Variants in DACH1 observed in about 807,000 individuals in gnomAD.
The protein encoded by DACH1 is dachshund family transcription factor 1.
In DACH1, 12 loss-of-function variants were observed where a neutral mutation model predicts 54.2. The ratio of observed to expected loss-of-function variants is 0.22; its 90% CI spans 0.14 to 0.36. The LOEUF (loss-of-function observed/expected upper bound fraction) is 0.36. Among genes scored for constraint, DACH1 ranks in the 10% least tolerant of loss-of-function variants. The probability of loss-of-function intolerance (pLI) is 1.00; values close to 1 mark genes in which losing one functional copy is unlikely to be tolerated. For missense variants in DACH1, 805 were observed against 929.8 expected (o/e 0.87, Z 1.75); for synonymous variants, 386 against 366.2 (o/e 1.05, Z -0.62).
intron 6 of DACH1, among the ~76,000 whole-genome samples, chr13:71,511,451 A>G (rs896680826): frequency 2.6e-5 from 4 of 151,986 alleles, no homozygotes; most frequent in Admixed American, 2.6e-4. Context: ...GCCACAATAC[A>G]GAGTGGAGGA....
At chr13:71,501,450 G>A (rs998682915) in intron 6 of DACH1, among the ~76,000 whole-genome samples, 6 of 152,044 alleles carry the variant, frequency 3.9e-5, no homozygotes, top group East Asian at 3.9e-4. Context: ...TACACTGAAC[G>A]TAAAGTAGAA....
At chr13:71,691,929 A>G (rs967905367) in intron 1 of DACH1, among the ~76,000 whole-genome samples, 1 of 151,562 alleles carries the variant, frequency 6.6e-6, no homozygotes, top group African/African-American at 2.4e-5. Flanking sequence ...AAGATGAGGT[A>G]TGAGCAAGCA....
At chr13:71,702,012 T>TC (rs1056331610) in intron 1 of DACH1, among the ~76,000 whole-genome samples, 1 of 152,126 alleles carries the variant, frequency 6.6e-6, no homozygotes, top group Non-Finnish European at 1.5e-5. Context: ...CTTCTCTTTT[T>TC]CCTCTTCTTC....
chr13:71,522,508 G>C (rs1001902624), intron 6 of DACH1, among the ~76,000 whole-genome samples: 3 of 152,018 alleles, frequency 2.0e-5, no homozygotes, highest in Non-Finnish European at 2.9e-5. Flanking sequence ...ACCAAGCGCA[G>C]TGGTGAGCAC....
chr13:71,804,412 C>T (rs376650649), intron 1 of DACH1, among the ~76,000 whole-genome samples: 30 of 152,230 alleles, frequency 2.0e-4, no homozygotes, highest in Admixed American at 3.9e-4. Context: ...CTTACCACTG[C>T]GACCAGTGTG....
At position 71,681,921 on chromosome 13, in the gene DACH1, CA is replaced by C. The variant is rs1880925607; in HGVS notation, c.849-12del. On this transcript the variant is annotated splice_polypyrimidine_tract_variant and intron_variant, in intron 1 of 10. Transcript: ENST00000613252. ...CTTCCAGGTCTAGAACTGAAACAAA[CA>C]AACAAAAAATTTTTACAATTAAGCT... 6.4e-6 allele frequency: 10 copies of C among 1,571,880 alleles called. No homozygotes were observed. The highest frequency in any genetic ancestry group is 8.7e-6 in the Non-Finnish European group (10 of 1,149,392).
chr13:71,614,914 A>G (rs977918542), intron 3 of DACH1, among the ~76,000 whole-genome samples: 3 of 151,264 alleles, frequency 2.0e-5, no homozygotes, highest in Admixed American at 1.3e-4. Context: ...ACAAGAAATC[A>G]TTTGAATCTA....
intron 6 of DACH1, among the ~76,000 whole-genome samples, chr13:71,522,097 A>C (rs1881641808): frequency 6.6e-6 from 1 of 152,186 alleles, no homozygotes; most frequent in African/African-American, 2.4e-5. Context: ...TGAATAACTA[A>C]TGGAACATAA....
chr13:71,485,480 A>T (rs1185760084), intron 7 of DACH1, among the ~76,000 whole-genome samples: 1 of 149,520 alleles, frequency 6.7e-6, no homozygotes, highest in Non-Finnish European at 1.5e-5. Context: ...TCTAAATATA[A>T]AATTTAAATA....
At chr13:71,477,100 A>ATTTTT (rs1566282894) in intron 8 of DACH1, among the ~76,000 whole-genome samples, 2 of 55,418 alleles carry the variant, frequency 3.6e-5, no homozygotes, top group Admixed American at 3.1e-4. Context: ...ATATATATAT[A>ATTTTT]TATATTTTTT....
intron 1 of DACH1, among the ~76,000 whole-genome samples, chr13:71,828,899 T>C (rs184481454): frequency 6.6e-6 from 1 of 152,012 alleles, no homozygotes; most frequent in Admixed American, 6.6e-5. Context: ...GCCATGCTTG[T>C]ACTCACTAAA....
chr13:71,653,179 A>T (rs564008017), intron 2 of DACH1, among the ~76,000 whole-genome samples: 75 of 152,234 alleles, frequency 4.9e-4, no homozygotes, highest in Admixed American at 7.9e-4. Flanking sequence ...CCATTTCCCA[A>T]ATCTTCTGGA....
intron 1 of DACH1, among the ~76,000 whole-genome samples, chr13:71,793,164 G>C (rs1003898645): frequency 2.6e-5 from 4 of 152,126 alleles, no homozygotes; most frequent in African/African-American, 9.7e-5. Flanking sequence ...TAGTTAAGCA[G>C]AAATTGTGAA....
intron 3 of DACH1, among the ~76,000 whole-genome samples, chr13:71,594,737 G>T (rs1407003123): frequency 6.6e-6 from 1 of 151,892 alleles, no homozygotes; most frequent in Non-Finnish European, 1.5e-5. Context: ...CAACAAACCG[G>T]CCCCTAGTTC....
intron 1 of DACH1, among the ~76,000 whole-genome samples, chr13:71,816,768 G>C (rs999403599): frequency 6.6e-6 from 1 of 151,810 alleles, no homozygotes; most frequent in South Asian, 2.1e-4. Context: ...CAGGAGCCTG[G>C]ATGGAGATGG....
chr13:71,440,094 C>T lies in DACH1; in HGVS notation c.*561G>A, dbSNP rs943398620. On this transcript the variant is annotated 3_prime_UTR_variant, in exon 11 of 11. Coordinates refer to ENST00000613252, the MANE Select transcript of DACH1 (RefSeq NM_080759.6). The stretch of plus-strand genomic sequence containing the variant: ...TTTGGAAAGTATGTGAAAAAAAATT[C>T]TTCAGGAGAAAACCCACAATTAGAG... The T allele has an allele frequency of 6.6e-6, 1 of 151,700 alleles. No individual in the cohort carries two copies. The highest frequency in any genetic ancestry group is 2.1e-4 in the South Asian group (1 of 4,810). The allele number at this position is 151,700 out of a possible 1,614,324, so 9.4% of individuals were successfully genotyped here.
chr13:71,605,783 T>C (rs1046404430), intron 3 of DACH1, among the ~76,000 whole-genome samples: 2 of 151,922 alleles, frequency 1.3e-5, no homozygotes, highest in African/African-American at 4.8e-5. Flanking sequence ...GTCTAGAAAA[T>C]ATGAATTTAC....
At chr13:71,718,368 C>G (rs754685326) in intron 1 of DACH1, among the ~76,000 whole-genome samples, 1 of 151,852 alleles carries the variant, frequency 6.6e-6, no homozygotes, top group Non-Finnish European at 1.5e-5. Context: ...AAGGATCTCT[C>G]GAGCTCAGGA....
chr13:71,535,433 A>G (rs1882705654), intron 6 of DACH1, among the ~76,000 whole-genome samples: 1 of 151,984 alleles, frequency 6.6e-6, no homozygotes, highest in African/African-American at 2.4e-5. Context: ...TCAAAAATAA[A>G]GAGTGATTGT....
Sources: gnomAD v4.1 joint callset for allele counts (sites outside exome capture counted in the v4.1 genomes callset) on GRCh38, gnomAD v4.1.1 for gene constraint, MANE v1.5 for transcripts, NCBI Gene and HGNC (gene_info 2026-07-23, HGNC 2026-07-21) for gene names.